Variants in KIF5C observed in about 807,000 individuals in gnomAD.
KIF5C encodes kinesin family member 5C, also known as kinesin heavy chain isoform 5C.
A neutral mutation model predicts 125.2 loss-of-function variants in KIF5C; 18 were observed. The observed-to-expected ratio is 0.14, with a 90% CI of 0.10 to 0.21. The LOEUF is 0.21. Among genes scored for constraint, KIF5C ranks in the 10% least tolerant of loss-of-function variants. The pLI is 1.00. For missense variants in KIF5C, 780 were observed against 1,183.8 expected (o/e 0.66, Z 5.01); for synonymous variants, 405 against 434.0 (o/e 0.93, Z 0.83).
intron 1 of KIF5C, among the ~76,000 whole-genome samples, chr2:148,883,267 C>T (rs897048588): frequency 6.6e-5 from 10 of 151,996 alleles, no homozygotes; most frequent in Non-Finnish European, 1.5e-4. Flanking sequence ...TTTGGGAGGC[C>T]GAGGTGGGTG....
chr2:148,907,387 G>A (rs1183275064), intron 1 of KIF5C, among the ~76,000 whole-genome samples: 1 of 152,218 alleles, frequency 6.6e-6, no homozygotes. Flanking sequence ...TGGCATTAAT[G>A]CACCCAGGTG....
chr2:148,997,732 C>G (rs1451026846), intron 18 of KIF5C: 1 of 195,008 alleles, frequency 5.1e-6, no homozygotes, highest in Admixed American at 5.6e-5. Flanking sequence ...TTCTTTTGGT[C>G]ACATTTTAAA....
At chr2:148,986,607 G>C (rs1391153130) in intron 15 of KIF5C, among the ~76,000 whole-genome samples, 4 of 152,304 alleles carry the variant, frequency 2.6e-5, no homozygotes, top group East Asian at 1.9e-4. Flanking sequence ...AATTGATATA[G>C]TAATTCTTTT....
chr2:149,006,931 G>A (rs1195033973), intron 22 of KIF5C, among the ~76,000 whole-genome samples: 1 of 152,144 alleles, frequency 6.6e-6, no homozygotes, highest in Non-Finnish European at 1.5e-5. Context: ...TCCTAGGGAG[G>A]GTTAGGAGCT....
At chr2:149,017,876 T>C (rs1325262543) in intron 25 of KIF5C, among the ~76,000 whole-genome samples, 3 of 152,196 alleles carry the variant, frequency 2.0e-5, no homozygotes, top group East Asian at 3.8e-4. Context: ...AAATAAAAAG[T>C]CCAAACCACC....
chr2:148,999,027 CAT>C (rs1444535512), intron 19 of KIF5C, among the ~76,000 whole-genome samples: 6 of 152,194 alleles, frequency 3.9e-5, no homozygotes, highest in Non-Finnish European at 7.3e-5. Flanking sequence ...CCCACACTGT[CAT>C]GTGTCTGTGC....
chr2:148,908,661 G>C (rs1300264380), intron 1 of KIF5C, among the ~76,000 whole-genome samples: 1 of 152,084 alleles, frequency 6.6e-6, no homozygotes, highest in African/African-American at 2.4e-5. Context: ...TCTCTAGCAT[G>C]CTCCCCATTG....
At chr2:148,913,019 T>C (rs565125652) in intron 1 of KIF5C, among the ~76,000 whole-genome samples, 199 of 152,358 alleles carry the variant, frequency 1.3e-3, no homozygotes, top group Non-Finnish European at 2.3e-3. Flanking sequence ...CATTGTGATA[T>C]AGACATCCTG....
chr2:148,933,146 C>A (rs1682215610), intron 3 of KIF5C, among the ~76,000 whole-genome samples: 1 of 152,060 alleles, frequency 6.6e-6, no homozygotes, highest in South Asian at 2.1e-4. Context: ...TTGGTTCTCC[C>A]ACTCGCCTTC....
intron 1 of KIF5C, chr2:148,885,494 G>A (rs929234678): frequency 6.6e-6 from 1 of 152,126 alleles, no homozygotes; most frequent in African/African-American, 2.4e-5. Context: ...ACTACATTTG[G>A]AGCAATCCTC....
rs759459300 is a variant in KIF5C at position 148,942,684 on chromosome 2, G to A, written c.513G>A (p.Glu171=). 4 of 1,610,386 alleles carry A rather than the reference G, an allele frequency of 2.5e-6. No homozygotes were observed. The Admixed American group carries it at 5.0e-5, about 20-fold the overall frequency. Residue 171 remains glutamate, a synonymous_variant, in exon 7 of 26, where the codon GAG becomes GAA. Transcript: ENST00000435030. ...TGATTCTCTTCCAGGGGTGCACTGA[G>A]CGGTTTGTGTCGAGCCCTGAGGAAG... ...NRVPYVKGCT[E]RFVSSPEEVM... is the part of the protein sequence containing the mutation.
chr2:148,892,357 A>G (rs1681729183), intron 1 of KIF5C, among the ~76,000 whole-genome samples: 1 of 152,218 alleles, frequency 6.6e-6, no homozygotes, highest in Admixed American at 6.5e-5. Flanking sequence ...GCCTCTTTGA[A>G]TCAGCAATCC....
At chr2:148,970,281 A>C (rs1048129380) in intron 11 of KIF5C, among the ~76,000 whole-genome samples, 1 of 152,244 alleles carries the variant, frequency 6.6e-6, no homozygotes, top group African/African-American at 2.4e-5. Flanking sequence ...CAGAAACACA[A>C]ATCACAGAAT....
rs7582522 is a variant in KIF5C, at chr2:148,875,314, C to A, written c.-304C>A. The A allele has an allele frequency of 4.2e-3, 1,227 of 291,622 alleles. 9 individuals carry two copies. The highest frequency in any genetic ancestry group is 0.025 in the African/African-American group (1,119 of 45,274). The allele number at this position is 291,622 out of a possible 1,614,324, so 18.1% of individuals were successfully genotyped here. ...GCGAGGCTCGCTCCCTGCGCATCGC[C>A]TCCTCCGCCCGCCGCGTGGTCGCGG... On this transcript the variant is annotated 5_prime_UTR_variant, in exon 1 of 26. Coordinates refer to ENST00000435030, the MANE Select transcript of KIF5C (RefSeq NM_004522.3).
chr2:148,937,196 G>A, intron 3 of KIF5C, 88 bp from the exon 4 acceptor site: 8 of 1,505,724 alleles, frequency 5.3e-6, no homozygotes, highest in Non-Finnish European at 6.2e-6. Context: ...ACCGGGTTCT[G>A]TCTGAGGAAC....
chr2:148,926,977 C>T (rs1348984753), intron 2 of KIF5C, among the ~76,000 whole-genome samples: 1 of 152,110 alleles, frequency 6.6e-6, no homozygotes, highest in Non-Finnish European at 1.5e-5. Flanking sequence ...TATGTGTTCT[C>T]CTTTTCTTAC....
At position 148,896,765 on chromosome 2, in the gene KIF5C, C is replaced by T. The variant is rs1334481547; in HGVS notation, c.126+21022C>T. On this transcript the variant is annotated intron_variant, in intron 1 of 25. Coordinates refer to ENST00000435030, the MANE Select transcript of KIF5C (RefSeq NM_004522.3). ...CTATTCCAGAATTCTGTGATGAGAA[C>T]GTTTTTAGTAGAGCAGCAGTTTTCC... 2.0e-5 allele frequency among the ~76,000 whole-genome samples: 3 copies of T among 152,024 alleles called. 1 individual carries two copies. In the South Asian group the frequency reaches 6.2e-4, roughly 32 times the overall value.
At chr2:148,937,261 G>A (rs770151934) in intron 3 of KIF5C, 23 bp from the exon 4 acceptor site, 32 of 1,566,802 alleles carry the variant, frequency 2.0e-5, no homozygotes, top group East Asian at 4.7e-5. Flanking sequence ...TTAACTGCCC[G>A]TGTTTGTATT....
chr2:148,997,132 T>G, intron 17 of KIF5C, 132 bp from the exon 18 acceptor site: 1 of 1,385,684 alleles, frequency 7.2e-7, no homozygotes, highest in Non-Finnish European at 9.7e-7. Flanking sequence ...CTTTATGCCA[T>G]GGTTGTAATT....
Sources: gnomAD v4.1 joint callset for allele counts (sites outside exome capture counted in the v4.1 genomes callset) on GRCh38, gnomAD v4.1.1 for gene constraint, MANE v1.5 for transcripts, NCBI Gene and HGNC (gene_info 2026-07-23, HGNC 2026-07-21) for gene names.